MGAM: variants seen among roughly 807,000 people sequenced by gnomAD.
The protein encoded by MGAM is alpha-1,4-glucosidase.
In MGAM, 253 loss-of-function variants were observed where a neutral mutation model predicts 358.8. The observed-to-expected ratio is 0.71, with a 90% CI of 0.64 to 0.78. The LOEUF (loss-of-function observed/expected upper bound fraction) is 0.78, where lower values mean the gene tolerates loss of function less well. Ranked by LOEUF, MGAM falls within the 30% of genes least tolerant of loss-of-function variation. The pLI is 0.00. For synonymous variants in MGAM, 1,105 were observed against 1,227.1 expected, an observed-to-expected ratio of 0.90 and a Z score of 2.08; for missense variants, 3,080 against 3,432.6, an observed-to-expected ratio of 0.90 and a Z score of 2.57.
At chr7:142,059,451 G>A (rs753809099) in intron 31 of MGAM, 21 bp from the exon 32 acceptor site, 3 of 1,601,478 alleles carry the variant, frequency 1.9e-6, no homozygotes, top group Non-Finnish European at 2.6e-6. Context: ...CAGCCTCTCA[G>A]CTCCCCATGT....
At chr7:142,033,283 G>C (rs572779084) in intron 14 of MGAM, among the ~76,000 whole-genome samples, 1 of 152,238 alleles carries the variant, frequency 6.6e-6, no homozygotes, top group South Asian at 2.1e-4. Flanking sequence ...ATCAGGTAAG[G>C]GTTATGTCTG....
intron 2 of MGAM, among the ~76,000 whole-genome samples, chr7:141,990,297 T>C (rs1333213606): frequency 6.6e-6 from 1 of 151,408 alleles, no homozygotes; most frequent in Non-Finnish European, 1.5e-5. Context: ...TCCCTCCTCA[T>C]ATCTACACAA....
At chr7:142,025,711 C>T (rs536436333) in intron 8 of MGAM, among the ~76,000 whole-genome samples, 14 of 152,258 alleles carry the variant, frequency 9.2e-5, no homozygotes, top group South Asian at 4.1e-4. Context: ...AGCCTCCACA[C>T]GCACACATGA....
rs768203099 is a variant in MGAM, at chr7:142,086,208, T to G, written c.6637-10T>G. 4.8e-5 allele frequency: 73 copies of G among 1,524,952 alleles called. 13 individuals are homozygous for G. The highest frequency in any genetic ancestry group is 6.1e-5 in the Non-Finnish European group (68 of 1,114,454). The allele number at this position is 1,524,952 out of a possible 1,614,324, so 94.5% of individuals were successfully genotyped here. ...TGATTTTTCCCAACTGACTTATGCT[T>G]TGATTTCAGGATCCAGCCATTTCTG... On this transcript the variant is annotated splice_polypyrimidine_tract_variant and intron_variant, in intron 55 of 70. Coordinates refer to ENST00000475668, the MANE Select transcript of MGAM (RefSeq NM_001365693.1).
At chr7:142,103,461 C>G (rs745339479) in intron 70 of MGAM, 22 bp downstream of exon 70, 2 of 1,571,342 alleles carry the variant, frequency 1.3e-6, no homozygotes, top group South Asian at 1.2e-5. Context: ...GCAAAAAGTG[C>G]GAATGGTATT....
At chr7:142,055,107 T>C (rs1233524327) in intron 27 of MGAM, among the ~76,000 whole-genome samples, 199 bp downstream of exon 27, 1 of 152,232 alleles carries the variant, frequency 6.6e-6, no homozygotes, top group Non-Finnish European at 1.5e-5. Context: ...TGAATGTGCC[T>C]GAGGATTCAT....
At chr7:142,022,514 G>A in intron 7 of MGAM, 75 bp downstream of exon 7, 1 of 1,471,808 alleles carries the variant, frequency 6.8e-7, no homozygotes, top group Non-Finnish European at 9.2e-7. Context: ...GTATTACAGT[G>A]TAGTGTTTAA....
In MGAM at chr7:142,106,205, G is replaced by A. The variant is rs554526660; in HGVS notation, c.*314G>A. 1.5e-4 allele frequency: 27 copies of A among 183,218 alleles called. No homozygotes were observed. The highest frequency in any genetic ancestry group is 2.4e-3 in the Middle Eastern group (1 of 412). 11.3% of individuals were successfully genotyped at this position (183,218 alleles called of 1,614,324 possible). A position where few individuals can be genotyped will look rare whatever the true frequency, so the allele number is the denominator to read the frequency against. ...CATGATGAAGTGTGTGTATGTCCAC[G>A]TTTGTAATCATAGAATGGACCCCAT... On this transcript the variant is annotated 3_prime_UTR_variant, in exon 71 of 71. Coordinates refer to ENST00000475668, the MANE Select transcript of MGAM (RefSeq NM_001365693.1).
intron 21 of MGAM, among the ~76,000 whole-genome samples, chr7:142,044,238 C>T (rs1187405397): frequency 7.5e-6 from 1 of 133,156 alleles, no homozygotes; most frequent in African/African-American, 2.7e-5. Flanking sequence ...ATAATATATA[C>T]ATTATATACA....
At chr7:142,046,140 T>G (rs1319354721) in intron 21 of MGAM, among the ~76,000 whole-genome samples, 1 of 145,422 alleles carries the variant, frequency 6.9e-6, no homozygotes, top group Admixed American at 7.1e-5. Flanking sequence ...TATTTATATA[T>G]TATATATATA....
chr7:142,082,269 C>T, intron 51 of MGAM, 59 bp downstream of exon 51: 3 of 1,507,898 alleles, frequency 2.0e-6, no homozygotes, highest in Non-Finnish European at 2.7e-6. Flanking sequence ...ACTGCTCAGG[C>T]TTTGGGCTTC....
chr7:142,007,025 A>T (rs900518589), intron 2 of MGAM, among the ~76,000 whole-genome samples: 11 of 151,954 alleles, frequency 7.2e-5, no homozygotes, highest in Non-Finnish European at 8.8e-5. Flanking sequence ...AGTATCAGTG[A>T]TTTCACCATT....
chr7:142,045,234 T>C (rs1809991818), intron 21 of MGAM, among the ~76,000 whole-genome samples: 1 of 75,278 alleles, frequency 1.3e-5, no homozygotes, highest in Non-Finnish European at 2.4e-5. Flanking sequence ...ATATATATTA[T>C]ATATCATATA....
intron 3 of MGAM, among the ~76,000 whole-genome samples, chr7:142,009,166 A>G (rs1343380251): frequency 3.9e-5 from 6 of 152,160 alleles, no homozygotes; most frequent in Non-Finnish European, 8.8e-5. Flanking sequence ...TTCACAAAAC[A>G]TTATTTAAAA....
At position 142,031,702 on chromosome 7, in the gene MGAM, T is replaced by A. The variant is rs1807508540; in HGVS notation, c.1493T>A (p.Phe498Tyr). 1 of 1,612,934 alleles carries A rather than the reference T, an allele frequency of 6.2e-7. No homozygotes were observed. Residue 498 changes from phenylalanine (F) to tyrosine (Y), a missense_variant, in exon 13 of 71, where the codon TTT (phenylalanine) becomes TAT (tyrosine). Coordinates refer to ENST00000475668, the MANE Select transcript of MGAM (RefSeq NM_001365693.1). ...AAGGTCTGGCCTGGACAAACTGTGTTTCCTGATTATACCAATCCCAACTGT... is the reference window on the plus strand; with the variant it reads ...AAGGTCTGGCCTGGACAAACTGTGTATCCTGATTATACCAATCCCAACTGT... The part of the protein sequence containing the change: ...IGEVWPGQTV[F>Y]PDYTNPNCAV...
intron 3 of MGAM, among the ~76,000 whole-genome samples, chr7:142,013,066 T>A (rs975139336): frequency 6.6e-6 from 1 of 152,112 alleles, no homozygotes; most frequent in African/African-American, 2.4e-5. Context: ...CTCCACCTCT[T>A]GACACAAAGT....
rs568072915 is a variant in MGAM at position 142,034,207 on chromosome 7, G to A, written c.1670-55G>A. Reference sequence around the variant, plus strand: ...TGTCATTTCGGATTGTGATAGTCAAGGAGCAGAAAATGTGCAACTTAGGCT... The same window carrying A: ...TGTCATTTCGGATTGTGATAGTCAAAGAGCAGAAAATGTGCAACTTAGGCT... On this transcript the variant is annotated intron_variant, in intron 14 of 70. Coordinates refer to ENST00000475668, the MANE Select transcript of MGAM (RefSeq NM_001365693.1). 45 of 1,314,302 alleles carry A rather than the reference G, an allele frequency of 3.4e-5. No homozygotes were observed. The South Asian group carries it at 5.4e-4, about 16-fold the overall frequency. 81.4% of individuals were successfully genotyped at this position (1,314,302 alleles called of 1,614,324 possible). A position where few individuals can be genotyped will look rare whatever the true frequency, so the allele number is the denominator to read the frequency against.
intron 36 of MGAM, 44 bp downstream of exon 36, chr7:142,063,630 A>G (rs1388213256): frequency 6.3e-7 from 1 of 1,597,498 alleles, no homozygotes; most frequent in South Asian, 1.1e-5. Flanking sequence ...CATGACTGGA[A>G]GGATTACACT....
Position 142,036,975 on chromosome 7 carries a change from T to A in MGAM, c.2229T>A (p.His743Gln), listed in dbSNP as rs782105470. ...ACACGGTGGCCAGGCCCCTTTTGCA[T>A]GAGTAAGTTCACCTAACCTCCTTAA... ...RGDTVARPLL[H>Q]EFYEDNSTWD... Residue 743 changes from histidine (H) to glutamine (Q), a missense_variant and splice_region_variant, in exon 18 of 71, where the codon CAT becomes CAA. Transcript: ENST00000475668. 6.2e-7 allele frequency: 1 copy of A among 1,612,912 alleles called. No homozygotes were observed. The highest frequency in any genetic ancestry group is 1.7e-5 in the Admixed American group (1 of 59,834).
Sources: allele counts gnomAD v4.1 joint callset (sites outside exome capture counted in the v4.1 genomes callset), GRCh38; gene constraint gnomAD v4.1.1; transcripts MANE v1.5; gene names NCBI Gene and HGNC (gene_info 2026-07-23, HGNC 2026-07-21).